RB1: variants seen among roughly 807,000 people sequenced by gnomAD.
RB1 encodes retinoblastoma-associated protein.
A neutral mutation model predicts 135.4 loss-of-function variants in RB1; 18 were observed. That is an observed-to-expected ratio of 0.13 (90% confidence interval 0.09 to 0.20). RB1 has a LOEUF of 0.20. RB1 is among the 10% of genes least tolerant of loss of function. RB1 has a pLI of 1.00. For missense variants in RB1, 868 were observed against 1,110.0 expected (o/e 0.78, Z 3.10); for synonymous variants, 365 against 373.2 (o/e 0.98, Z 0.25).
chr13:48,330,299 T>C (rs555871166), intron 2 of RB1, among the ~76,000 whole-genome samples: 2 of 151,422 alleles, frequency 1.3e-5, no homozygotes, highest in South Asian at 4.2e-4. Context: ...AAGCCCAAAG[T>C]AATAGAAGGA....
At position 48,319,007 on chromosome 13, in the gene RB1, G is replaced by T; in HGVS notation, c.264+11601G>T. 1 of 713,646 alleles carries T rather than the reference G, an allele frequency of 1.4e-6. No individual in the cohort carries two copies. The highest frequency in any genetic ancestry group is 1.4e-5 in the South Asian group (1 of 71,882). 44.2% of individuals were successfully genotyped at this position (713,646 alleles called of 1,614,324 possible). A position where few individuals can be genotyped will look rare whatever the true frequency, so the allele number is the denominator to read the frequency against. On this transcript the variant is annotated intron_variant, in intron 2 of 26. Coordinates refer to ENST00000267163, the MANE Select transcript of RB1 (RefSeq NM_000321.3). This position sits in a 1 kb window ranked among gnomAD's most constrained non-coding sequence, Gnocchi z 5.0. ...GCTGCCTTACATGGGGGCCGGCAGGGTAGTCTTGGAAATGCCCAAGATTGC... is the reference window on the plus strand; with the variant it reads ...GCTGCCTTACATGGGGGCCGGCAGGTTAGTCTTGGAAATGCCCAAGATTGC...
chr13:48,371,473 G>A (rs1357927137), intron 11 of RB1, among the ~76,000 whole-genome samples: 4 of 152,162 alleles, frequency 2.6e-5, no homozygotes, highest in African/African-American at 4.8e-5. Context: ...CTTGTCTGTT[G>A]TAGCAGTTTA....
chr13:48,448,583 C>A (rs1949305351), intron 17 of RB1, among the ~76,000 whole-genome samples: 1 of 152,282 alleles, frequency 6.6e-6, no homozygotes, highest in East Asian at 1.9e-4. Flanking sequence ...TATCATGCCT[C>A]TTTTTATTCA....
intron 17 of RB1, chr13:48,401,360 G>C (rs1409543172): frequency 6.6e-6 from 1 of 152,138 alleles, no homozygotes; most frequent in Non-Finnish European, 1.5e-5. Flanking sequence ...AAGAAACAAA[G>C]AAGAGAAATA....
rs2138083431 is a variant in RB1, at chr13:48,342,596, C to T, written c.265-3C>T. On this transcript the variant is annotated splice_region_variant and splice_polypyrimidine_tract_variant and intron_variant, in intron 2 of 26. Coordinates refer to ENST00000267163, the MANE Select transcript of RB1 (RefSeq NM_000321.3). ...ATATTTGATCTTTATTTTTTGTTCC[C>T]AGGGAGGTTATATTCAAAAGAAAAA... is the stretch of plus-strand genomic sequence containing the variant. 6.5e-7 allele frequency: 1 copy of T among 1,548,536 alleles called. No homozygotes were observed. The highest frequency in any genetic ancestry group is 8.9e-7 in the Non-Finnish European group (1 of 1,121,436).
intron 17 of RB1, among the ~76,000 whole-genome samples, chr13:48,409,937 CTT>C (rs901592550): frequency 6.6e-6 from 1 of 151,936 alleles, no homozygotes. Flanking sequence ...GTACTTGGTA[CTT>C]TTTTTCTAAA....
chr13:48,341,771 A>G (rs1952444675), intron 2 of RB1, among the ~76,000 whole-genome samples: 1 of 152,024 alleles, frequency 6.6e-6, no homozygotes, highest in Non-Finnish European at 1.5e-5. Flanking sequence ...TTGATATTTC[A>G]AAATAATGTA....
At chr13:48,320,273 C>T (rs1179514043) in intron 2 of RB1, 1 of 1,188,608 alleles carries the variant, frequency 8.4e-7, no homozygotes, top group Admixed American at 1.9e-5. Context: ...CTCTGTGCAG[C>T]GCGCTCATCG....
intron 9 of RB1, 54 bp from the exon 10 acceptor site, chr13:48,367,440 T>C (rs907869940): frequency 1.9e-6 from 3 of 1,573,406 alleles, no homozygotes; most frequent in Non-Finnish European, 2.6e-6. Context: ...CTCTGTGTGC[T>C]GAGAGATGTA....
intron 6 of RB1, among the ~76,000 whole-genome samples, chr13:48,356,519 T>A (rs1952593264): frequency 6.6e-6 from 1 of 152,046 alleles, no homozygotes; most frequent in Non-Finnish European, 1.5e-5. Flanking sequence ...GTGTTTTTAT[T>A]TAAAGCAATA....
At chr13:48,328,102 T>G in intron 2 of RB1, 1 of 914,286 alleles carries the variant, frequency 1.1e-6, no homozygotes, top group South Asian at 1.3e-5. Context: ...TCATAGACAT[T>G]TCGAAGATGA....
At chr13:48,306,323 T>C (rs952874073) in intron 1 of RB1, among the ~76,000 whole-genome samples, 3 of 152,224 alleles carry the variant, frequency 2.0e-5, no homozygotes, top group Non-Finnish European at 4.4e-5. Flanking sequence ...GAGGATCCCT[T>C]GAGCCCAGGA....
Position 48,473,372 on chromosome 13 carries a change from A to G in RB1, c.2502A>G (p.Ser834=), listed in dbSNP as rs1949484214. The G allele has an allele frequency of 6.4e-7, 1 of 1,569,610 alleles. No individual in the cohort carries two copies. The highest frequency in any genetic ancestry group is 8.8e-7 in the Non-Finnish European group (1 of 1,141,032). The change falls in exon 24 of 27, where the codon TCA becomes TCG. Residue 834 remains serine, a synonymous_variant. Coordinates refer to ENST00000267163, the MANE Select transcript of RB1 (RefSeq NM_000321.3). ...CTTAACTTGACAGAATCTTAGTATC[A>G]ATTGGTGAATCATTCGGGGTGAGTA... The part of the protein sequence containing the change: ...KMTPRSRILV[S]IGESFGTSEK...
intron 13 of RB1, 100 bp downstream of exon 13, chr13:48,377,134 A>G: frequency 8.0e-7 from 1 of 1,244,130 alleles, no homozygotes; most frequent in Non-Finnish European, 1.2e-6. Flanking sequence ...TTTGTCTAGT[A>G]GTATAAAATA....
chr13:48,464,944 A>T, intron 21 of RB1, 54 bp from the exon 22 acceptor site: 1 of 1,489,412 alleles, frequency 6.7e-7, no homozygotes, highest in Non-Finnish European at 8.9e-7. Flanking sequence ...AATTCATTTA[A>T]CAAGTAAATT....
At chr13:48,343,899 C>A (rs923487248) in intron 3 of RB1, among the ~76,000 whole-genome samples, 1 of 152,144 alleles carries the variant, frequency 6.6e-6, no homozygotes, top group African/African-American at 2.4e-5. Context: ...ATCATAGGAA[C>A]TTTAATAACC....
At chr13:48,457,890 G>A (rs1393255857) in intron 19 of RB1, among the ~76,000 whole-genome samples, 1 of 152,256 alleles carries the variant, frequency 6.6e-6, no homozygotes, top group African/African-American at 2.4e-5. Flanking sequence ...AGCCTGCGAG[G>A]GCGGTGGCAG....
rs1243281300 is a variant in RB1, at chr13:48,313,780, G to A, written c.264+6374G>A. On this transcript the variant is annotated intron_variant, in intron 2 of 26. Transcript: ENST00000267163. Reference sequence around the variant, plus strand: ...TTTTTTTTTTTTGAGACGGAGTCTCGCTCTGTCGCCCAGGCTGGAGTGCGG... The same window carrying A: ...TTTTTTTTTTTTGAGACGGAGTCTCACTCTGTCGCCCAGGCTGGAGTGCGG... Among the ~76,000 whole-genome samples, 9 of 112,894 alleles carry A rather than the reference G, an allele frequency of 8.0e-5. No homozygotes were observed. In the East Asian group the frequency reaches 1.4e-3, roughly 18 times the overall value. The allele number at this position is 112,894 out of a possible 152,430, so 74.1% of individuals were successfully genotyped here.
chr13:48,452,556 CCTAT>C (rs1286807299), intron 17 of RB1, among the ~76,000 whole-genome samples: 3 of 151,860 alleles, frequency 2.0e-5, no homozygotes, highest in African/African-American at 7.3e-5. Context: ...CCTAATACTG[CCTAT>C]CTATCTCTTT....
Sources: gnomAD v4.1 joint callset for allele counts (sites outside exome capture counted in the v4.1 genomes callset) on GRCh38, gnomAD v4.1.1 for gene constraint, Gnocchi (gnomAD v3.1) non-coding constraint, MANE v1.5 for transcripts, NCBI Gene and HGNC (gene_info 2026-07-23, HGNC 2026-07-21) for gene names.